Variants in GALNT18 observed in about 807,000 individuals in gnomAD.
GALNT18 encodes GalNAc-transferase 18.
Under a neutral mutation model 69.5 loss-of-function variants are expected in GALNT18, and 44 were observed. That is an observed-to-expected ratio of 0.63 (90% CI 0.50 to 0.81). The LOEUF (loss-of-function observed/expected upper bound fraction) is 0.81. Among genes scored for constraint, GALNT18 ranks in the 40% least tolerant of loss-of-function variants. The pLI, the probability that GALNT18 is intolerant of heterozygous loss-of-function variation, is 0.00. For missense variants in GALNT18, 715 were observed against 810.0 expected, an observed-to-expected ratio of 0.88 and a Z score of 1.42; for synonymous variants, 364 against 318.2, an observed-to-expected ratio of 1.14 and a Z score of -1.53.
Position 11,582,269 on chromosome 11 carries a change from CAG to C in GALNT18, c.235+39088_235+39089del, listed in dbSNP as rs1170337146. Among the ~76,000 whole-genome samples the C allele has an allele frequency of 6.6e-6, 1 of 152,150 alleles. No homozygotes were observed. The highest frequency in any genetic ancestry group is 2.4e-5 in the African/African-American group (1 of 41,440). On this transcript the variant is annotated intron_variant, in intron 1 of 10. Coordinates refer to ENST00000227756, the MANE Select transcript of GALNT18 (RefSeq NM_198516.3). This position sits in a 1 kb window ranked among gnomAD's most constrained non-coding sequence, Gnocchi z 5.0. ...TGGGTCAGAGCAGAATGAGAGGCTT[CAG>C]AGAGTGGAGGGAGAAAAGGGCAGGG...
At position 11,555,320 on chromosome 11, in the gene GALNT18, GAC is replaced by G. The variant is rs1858305162; in HGVS notation, c.235+66037_235+66038del. Among the ~76,000 whole-genome samples the G allele has an allele frequency of 6.6e-6, 1 of 152,174 alleles. No individual in the cohort carries two copies. The highest frequency in any genetic ancestry group is 2.1e-4 in the South Asian group (1 of 4,822). On this transcript the variant is annotated intron_variant, in intron 1 of 10. Transcript: ENST00000227756. This position sits in a 1 kb window ranked among gnomAD's most constrained non-coding sequence, Gnocchi z 4.7. The stretch of plus-strand genomic sequence containing the variant: ...AGATCTAGCTAGAGAGCATTTTCCT[GAC>G]ACAGTGTAAACGTTTGCCAGAAACA...
intron 2 of GALNT18, among the ~76,000 whole-genome samples, chr11:11,437,311 A>G (rs913364001): frequency 2.0e-5 from 3 of 152,138 alleles, no homozygotes; most frequent in Non-Finnish European, 4.4e-5. Flanking sequence ...TTGAAAGCTG[A>G]GCCATTTTCC....
Position 11,613,796 on chromosome 11 carries a change from C to T in GALNT18, c.235+7563G>A, listed in dbSNP as rs1218665950. Reference sequence around the variant, plus strand: ...TGATGGTGGCTTAGCCACCAGTGGACCTCAGTCACTCTGCCTCTTGCTCCT... The same window carrying T: ...TGATGGTGGCTTAGCCACCAGTGGATCTCAGTCACTCTGCCTCTTGCTCCT... On this transcript the variant is annotated intron_variant, in intron 1 of 10. Coordinates refer to ENST00000227756, the MANE Select transcript of GALNT18 (RefSeq NM_198516.3). This position sits in a 1 kb window ranked among gnomAD's most constrained non-coding sequence, Gnocchi z 4.2. Among the ~76,000 whole-genome samples the T allele has an allele frequency of 1.3e-5, 2 of 152,240 alleles. No individual in the cohort carries two copies. Among genetic ancestry groups the T allele is most frequent in the Non-Finnish European group, 2.9e-5 (2 of 68,044 alleles).
chr11:11,288,949 T>C (rs1370497006), intron 10 of GALNT18, among the ~76,000 whole-genome samples: 3 of 152,162 alleles, frequency 2.0e-5, no homozygotes, highest in Admixed American at 1.3e-4. Flanking sequence ...CTCAGGAGAA[T>C]AAATAGTGCA....
chr11:11,552,942 T>C (rs977773724), intron 1 of GALNT18, among the ~76,000 whole-genome samples: 1 of 152,134 alleles, frequency 6.6e-6, no homozygotes, highest in African/African-American at 2.4e-5. Flanking sequence ...ATCAGCAGTT[T>C]GTCAGGAGCC....
intron 7 of GALNT18, among the ~76,000 whole-genome samples, chr11:11,336,838 G>A (rs928626808): frequency 6.6e-6 from 1 of 152,176 alleles, no homozygotes; most frequent in African/African-American, 2.4e-5. Context: ...GAGAGTCTGG[G>A]AGTTTCAGAC....
At chr11:11,443,986 G>T (rs1205804856) in intron 2 of GALNT18, among the ~76,000 whole-genome samples, 1 of 152,228 alleles carries the variant, frequency 6.6e-6, no homozygotes, top group African/African-American at 2.4e-5. Flanking sequence ...ATATTCATAG[G>T]TGTGGGGGAT....
Position 11,542,260 on chromosome 11 carries a change from C to G in GALNT18, c.235+79099G>C, listed in dbSNP as rs576983426. ...AGCCTGTCATCTCACTCAGAGCTCC[C>G]CTCCTTGTAGATCTAGCCTTTCCCT... On this transcript the variant is annotated intron_variant, in intron 1 of 10. Coordinates refer to ENST00000227756, the MANE Select transcript of GALNT18 (RefSeq NM_198516.3). This position sits in a 1 kb window ranked among gnomAD's most constrained non-coding sequence, Gnocchi z 4.3. Among the ~76,000 whole-genome samples the G allele has an allele frequency of 1.6e-4, 24 of 152,286 alleles. 1 individual carries two copies. In the South Asian group the frequency reaches 3.9e-3, roughly 25 times the overall value.
At position 11,315,230 on chromosome 11, in the gene GALNT18, A is replaced by G. The variant is rs1849732440; in HGVS notation, c.1512+11856T>C. Among the ~76,000 whole-genome samples, 1 of 152,232 alleles carries G rather than the reference A, an allele frequency of 6.6e-6. No individual in the cohort carries two copies. Among genetic ancestry groups the G allele is most frequent in the Non-Finnish European group, 1.5e-5 (1 of 68,044 alleles). On this transcript the variant is annotated intron_variant, in intron 9 of 10. Coordinates refer to ENST00000227756, the MANE Select transcript of GALNT18 (RefSeq NM_198516.3). This position sits in a 1 kb window ranked among gnomAD's most constrained non-coding sequence, Gnocchi z 5.6. ...CAAGAGAAATTATGTGTTCAGTTCCAGGTCACAAGCTAACCAGTGGTGGAG... is the reference window on the plus strand; with the variant it reads ...CAAGAGAAATTATGTGTTCAGTTCCGGGTCACAAGCTAACCAGTGGTGGAG...
Position 11,583,784 on chromosome 11 carries a change from G to A in GALNT18, c.235+37575C>T, listed in dbSNP as rs769626646. On this transcript the variant is annotated intron_variant, in intron 1 of 10. Transcript: ENST00000227756. The surrounding 1 kb of genome is among the most constrained non-coding windows in gnomAD (Gnocchi z 4.7). ...ATCAAACCAGACTTATAGCACTATC[G>A]GCCAGTAATGGTTAAGCTCACATGA... Among the ~76,000 whole-genome samples, 2 of 152,058 alleles carry A rather than the reference G, an allele frequency of 1.3e-5. No homozygotes were observed. Among genetic ancestry groups the A allele is most frequent in the Non-Finnish European group, 2.9e-5 (2 of 68,026 alleles).
chr11:11,532,372 G>T (rs1857674122), intron 1 of GALNT18, among the ~76,000 whole-genome samples: 1 of 152,164 alleles, frequency 6.6e-6, no homozygotes, highest in Non-Finnish European at 1.5e-5. Flanking sequence ...AGAGTCTTCG[G>T]ATAACTATCC....
Position 11,300,240 on chromosome 11 carries a change from A to G in GALNT18, c.1513-7047T>C, listed in dbSNP as rs556761434. Among the ~76,000 whole-genome samples the G allele has an allele frequency of 2.6e-5, 4 of 152,248 alleles. No individual in the cohort carries two copies. The East Asian group carries it at 7.7e-4, about 29-fold the overall frequency. On this transcript the variant is annotated intron_variant, in intron 9 of 10. Transcript: ENST00000227756. ...CCTATCAAGTAGGTGCCCGTGAAAA[A>G]TGAGGTATCTTTGGGGCATTTAGAC...
Position 11,341,128 on chromosome 11 carries a change from A to C in GALNT18, c.1093-124T>G. The C allele has an allele frequency of 7.3e-6, 6 of 816,720 alleles. No individual in the cohort carries two copies. Among genetic ancestry groups the C allele is most frequent in the Non-Finnish European group, 1.1e-5 (6 of 527,066 alleles). 50.6% of individuals were successfully genotyped at this position (816,720 alleles called of 1,614,324 possible). Reference sequence around the variant, plus strand: ...CCCCTTCACCTTGACTCCCCAGATCACTCTCTGTGAAGGAGTAGGCCATAC... The same window carrying C: ...CCCCTTCACCTTGACTCCCCAGATCCCTCTCTGTGAAGGAGTAGGCCATAC... On this transcript the variant is annotated intron_variant, in intron 6 of 10. Transcript: ENST00000227756. The surrounding 1 kb of genome is among the most constrained non-coding windows in gnomAD (Gnocchi z 6.3).
At chr11:11,556,644 C>G (rs886573559) in intron 1 of GALNT18, among the ~76,000 whole-genome samples, 1 of 152,194 alleles carries the variant, frequency 6.6e-6, no homozygotes, top group Admixed American at 6.5e-5. Context: ...TTGCATGATG[C>G]CAGCTGCTGG....
Position 11,332,905 on chromosome 11 carries a change from G to T in GALNT18, c.1279-74C>A. The T allele has an allele frequency of 6.5e-7, 1 of 1,536,160 alleles. No individual in the cohort carries two copies. The highest frequency in any genetic ancestry group is 1.1e-5 in the South Asian group (1 of 88,394). ...TTCTCCCCAAACTCTACTTTGGCAT[G>T]ACCTTGTGCCCCCAACAAGATTCCT... On this transcript the variant is annotated intron_variant, in intron 7 of 10. Transcript: ENST00000227756. The surrounding 1 kb of genome is among the most constrained non-coding windows in gnomAD (Gnocchi z 4.3).
intron 8 of GALNT18, among the ~76,000 whole-genome samples, chr11:11,329,123 T>A (rs1350633646): frequency 6.6e-6 from 1 of 152,046 alleles, no homozygotes; most frequent in African/African-American, 2.4e-5. Context: ...CCCTCTAAAA[T>A]AGGAATAATA....
chr11:11,307,057 A>G (rs73417651), intron 9 of GALNT18, among the ~76,000 whole-genome samples: 1,554 of 152,344 alleles, frequency 0.01, 29 homozygotes, highest in African/African-American at 0.035. Flanking sequence ...GCCAGTCTCC[A>G]GAAGCAGAGT....
chr11:11,587,873 G>T lies in GALNT18; in HGVS notation c.235+33486C>A, dbSNP rs543352420. On this transcript the variant is annotated intron_variant, in intron 1 of 10. Transcript: ENST00000227756. This position sits in a 1 kb window ranked among gnomAD's most constrained non-coding sequence, Gnocchi z 4.4. ...ATAAGAACACAAAATATAGAAATCC[G>T]AAAGGAAAGAGAGAGGCAGGGGGAG... is the stretch of plus-strand genomic sequence containing the variant. Among the ~76,000 whole-genome samples, 4 of 151,782 alleles carry T rather than the reference G, an allele frequency of 2.6e-5. No homozygotes were observed. Among genetic ancestry groups the T allele is most frequent in the Non-Finnish European group, 5.9e-5 (4 of 67,982 alleles).
At chr11:11,302,376 G>C (rs1000596622) in intron 9 of GALNT18, among the ~76,000 whole-genome samples, 2 of 152,118 alleles carry the variant, frequency 1.3e-5, no homozygotes, top group Non-Finnish European at 2.9e-5. Context: ...TGTCTCTAGG[G>C]ACCAGGGCTT....
Sources: allele counts gnomAD v4.1 joint callset (sites outside exome capture counted in the v4.1 genomes callset), GRCh38; gene constraint gnomAD v4.1.1; non-coding constraint Gnocchi (gnomAD v3.1); transcripts MANE v1.5; gene names NCBI Gene and HGNC (gene_info 2026-07-23, HGNC 2026-07-21).